ROBO2: variants seen among roughly 807,000 people sequenced by gnomAD.
ROBO2 encodes the protein roundabout homolog 2.
ROBO2 carries 53 observed loss-of-function variants against 160.8 expected under a neutral mutation model. That is an observed-to-expected ratio of 0.33 (90% CI 0.26 to 0.41). The LOEUF is 0.41. Ranked by LOEUF, ROBO2 falls within the 10% of genes least tolerant of loss-of-function variation. The probability of loss-of-function intolerance (pLI) is 1.00; values close to 1 mark genes in which losing one functional copy is unlikely to be tolerated. For missense variants in ROBO2, 1,577 were observed against 1,722.4 expected, an observed-to-expected ratio of 0.92 and a Z score of 1.49; for synonymous variants, 664 against 611.7, an observed-to-expected ratio of 1.09 and a Z score of -1.26.
intron 2 of ROBO2, among the ~76,000 whole-genome samples, chr3:76,978,044 G>T (rs995418646): frequency 1.3e-5 from 2 of 152,088 alleles, no homozygotes; most frequent in Non-Finnish European, 2.9e-5. Context: ...TCTTCTGTTT[G>T]CATATGACCT....
chr3:76,409,692 T>C (rs937629388), intron 2 of ROBO2, among the ~76,000 whole-genome samples: 1 of 152,120 alleles, frequency 6.6e-6, no homozygotes, highest in African/African-American at 2.4e-5. Flanking sequence ...AGTTATGACC[T>C]TGAGCATGTC....
chr3:76,779,039 T>G (rs767485111), intron 2 of ROBO2, among the ~76,000 whole-genome samples: 1 of 151,066 alleles, frequency 6.6e-6, no homozygotes, highest in Non-Finnish European at 1.5e-5. Flanking sequence ...AACAGAACTG[T>G]CTGACTTCAT....
chr3:77,217,731 G>A (rs2085172365), intron 2 of ROBO2, among the ~76,000 whole-genome samples: 1 of 152,104 alleles, frequency 6.6e-6, no homozygotes, highest in South Asian at 2.1e-4. Context: ...AAAAATTGTA[G>A]GAGGCAATAC....
rs1284069366 is a variant in ROBO2, at chr3:76,890,296, TAAG to T, written c.110-207712_110-207710del. On this transcript the variant is annotated intron_variant, in intron 2 of 26. Coordinates refer to the ROBO2 transcript ENST00000487694. ...TTTACTGAGAATAGGAAATTGAGGC[TAAG>T]AAGAATGAAATCAACAGCATCCTTA... Among the ~76,000 whole-genome samples, 7 of 152,192 alleles carry T rather than the reference TAAG, an allele frequency of 4.6e-5. No homozygotes were observed. The East Asian group carries it at 1.3e-3, about 29-fold the overall frequency.
chr3:76,658,066 GAATAAATAAATAAATAAATAAATAAATA>G (rs199659732), intron 2 of ROBO2, among the ~76,000 whole-genome samples: 8 of 131,696 alleles, frequency 6.1e-5, no homozygotes, highest in Non-Finnish European at 1.1e-4. Context: ...GATCCTGTCT[GAATAAATAAATAAATAAATAAATAAATA>G]AATAAATAAA....
intron 2 of ROBO2, among the ~76,000 whole-genome samples, chr3:77,416,059 A>T (rs1261865434): frequency 6.6e-6 from 1 of 152,162 alleles, no homozygotes; most frequent in Non-Finnish European, 1.5e-5. Flanking sequence ...ACCAAGAAGG[A>T]TGAGATTGCA....
At chr3:76,126,333 A>C (rs929071155) in intron 2 of ROBO2, among the ~76,000 whole-genome samples, 15 of 152,172 alleles carry the variant, frequency 9.9e-5, no homozygotes, top group Admixed American at 3.3e-4. Flanking sequence ...TTTATGCTGA[A>C]ATGTATAAGC....
At chr3:76,240,835 A>G (rs1451010083) in intron 2 of ROBO2, among the ~76,000 whole-genome samples, 2 of 152,220 alleles carry the variant, frequency 1.3e-5, no homozygotes, top group East Asian at 3.9e-4. Context: ...GGCTGCACTC[A>G]TAGAGACTAC....
chr3:76,880,129 A>G (rs1387576211), intron 2 of ROBO2, among the ~76,000 whole-genome samples: 3 of 152,150 alleles, frequency 2.0e-5, no homozygotes, highest in Non-Finnish European at 4.4e-5. Context: ...ATTAGGTCAC[A>G]TGGTCAGAAC....
At chr3:76,767,435 A>G (rs1335101150) in intron 2 of ROBO2, among the ~76,000 whole-genome samples, 2 of 151,672 alleles carry the variant, frequency 1.3e-5, no homozygotes, top group Non-Finnish European at 3.0e-5. Flanking sequence ...GATTTAAAGT[A>G]GGCATCATGT....
At chr3:76,638,096 A>G (rs2109611642) in intron 2 of ROBO2, among the ~76,000 whole-genome samples, 1 of 152,312 alleles carries the variant, frequency 6.6e-6, no homozygotes, top group South Asian at 2.1e-4. Context: ...ACTATCATGT[A>G]CTTGATCCAG....
chr3:77,608,892 C>A (rs1044777346), intron 21 of ROBO2, among the ~76,000 whole-genome samples: 11 of 151,576 alleles, frequency 7.3e-5, no homozygotes, highest in Non-Finnish European at 7.4e-5. Flanking sequence ...ATTATCTTGG[C>A]TTAAAAAATC....
At chr3:77,060,936 A>T (rs1168973939) in intron 1 of ROBO2, among the ~76,000 whole-genome samples, 1 of 142,630 alleles carries the variant, frequency 7.0e-6, no homozygotes, top group East Asian at 2.0e-4. Context: ...AAAACCTAAC[A>T]TTTTTTTTTT....
intron 2 of ROBO2, among the ~76,000 whole-genome samples, chr3:76,123,284 C>G (rs1321325178): frequency 1.3e-5 from 2 of 152,030 alleles, no homozygotes; most frequent in African/African-American, 4.8e-5. Flanking sequence ...TTTTTTACTC[C>G]TTTGAAAACA....
At chr3:76,397,198 A>C (rs1456973305) in intron 2 of ROBO2, among the ~76,000 whole-genome samples, 1 of 152,184 alleles carries the variant, frequency 6.6e-6, no homozygotes, top group Non-Finnish European at 1.5e-5. Flanking sequence ...ATCTTTGACA[A>C]ATCTGAGGAG....
rs143035918 is a variant in ROBO2, at chr3:77,616,168, C to G, written c.3294-1345C>G. On this transcript the variant is annotated intron_variant, in intron 21 of 25. Transcript: ENST00000461745. The stretch of plus-strand genomic sequence containing the variant: ...ATTTGGAGTGGGGAAGAGAAGACTT[C>G]ACAAAACTGATGACGTTTGAAGTGA... Among the ~76,000 whole-genome samples the G allele has an allele frequency of 2.4e-4, 36 of 152,220 alleles. 1 individual carries two copies. Among genetic ancestry groups the G allele is most frequent in the African/African-American group, 7.9e-4 (33 of 41,552 alleles).
intron 2 of ROBO2, among the ~76,000 whole-genome samples, chr3:76,181,634 C>T (rs1164900383): frequency 1.3e-5 from 2 of 152,106 alleles, no homozygotes; most frequent in African/African-American, 4.8e-5. Context: ...CAAATAATTA[C>T]TAAGATTCCA....
chr3:76,764,479 G>A (rs979983497), intron 2 of ROBO2, among the ~76,000 whole-genome samples: 30 of 151,528 alleles, frequency 2.0e-4, no homozygotes, highest in Non-Finnish European at 3.0e-5. Flanking sequence ...TGTTTCATGA[G>A]TTACAGTATT....
chr3:76,092,900 C>T lies in ROBO2; in HGVS notation c.109+155298C>T, dbSNP rs76869613. 7.0e-3 allele frequency among the ~76,000 whole-genome samples: 1,064 copies of T among 152,256 alleles called. 64 individuals are homozygous for T. In the East Asian group the frequency reaches 0.15, roughly 22 times the overall value. ...TGAAGTATTTTCCTGATAGAAATCA[C>T]GGAAGACATTCACTTTGCATTCATG... On this transcript the variant is annotated intron_variant, in intron 2 of 26. Coordinates refer to the ROBO2 transcript ENST00000487694.
Sources: gnomAD v4.1 joint callset for allele counts (sites outside exome capture counted in the v4.1 genomes callset) on GRCh38, gnomAD v4.1.1 for gene constraint, MANE v1.5 for transcripts, NCBI Gene and HGNC (gene_info 2026-07-23, HGNC 2026-07-21) for gene names.